The following GRIN2B variants were observed in gnomAD, a reference collection of about 807,000 sequenced individuals.
GRIN2B encodes the protein glutamate ionotropic receptor NMDA type subunit 2B.
A neutral mutation model predicts 114.5 loss-of-function variants in GRIN2B; 5 were observed. That is an observed-to-expected ratio of 0.04 (90% CI 0.02 to 0.09). The LOEUF is 0.09. Among genes scored for constraint, GRIN2B ranks in the 10% least tolerant of loss-of-function variants. GRIN2B has a pLI of 1.00. For synonymous variants in GRIN2B, 787 were observed against 745.1 expected, an observed-to-expected ratio of 1.06 and a Z score of -0.92; for missense variants, 1,108 against 1,943.5, an observed-to-expected ratio of 0.57 and a Z score of 8.08.
chr12:13,980,755 C>T (rs946087239), intron 1 of GRIN2B, among the ~76,000 whole-genome samples: 1 of 152,236 alleles, frequency 6.6e-6, no homozygotes, highest in African/African-American at 2.4e-5. Flanking sequence ...CCAGCCCCAT[C>T]TGCATTGCTG....
chr12:13,729,612 T>G (rs761619415), intron 4 of GRIN2B, among the ~76,000 whole-genome samples: 61 of 151,916 alleles, frequency 4.0e-4, no homozygotes, highest in Non-Finnish European at 7.7e-4. Context: ...CAACAGAATA[T>G]GTAGGAAAGA....
At chr12:13,852,764 C>T (rs1158310727) in intron 3 of GRIN2B, among the ~76,000 whole-genome samples, 1 of 150,864 alleles carries the variant, frequency 6.6e-6, no homozygotes, top group African/African-American at 2.4e-5. Context: ...AAAGGTGGAA[C>T]CAGAACTCAA....
In GRIN2B at chr12:13,675,351, T is replaced by C. The variant is rs78175322; in HGVS notation, c.1125+394A>G. On this transcript the variant is annotated intron_variant, in intron 5 of 13. Coordinates refer to ENST00000609686, the MANE Select transcript of GRIN2B (RefSeq NM_000834.5). Reference sequence around the variant, plus strand: ...ATGGGAATCCTTCAATCACAATAAGTCTAAACCTTTCTTCTCATAAATTCA... The same window carrying C: ...ATGGGAATCCTTCAATCACAATAAGCCTAAACCTTTCTTCTCATAAATTCA... Among the ~76,000 whole-genome samples the C allele has an allele frequency of 5.9e-4, 90 of 152,178 alleles. 2 individuals are homozygous for C. In the East Asian group the frequency reaches 0.017, roughly 29 times the overall value.
At chr12:13,956,698 C>T (rs1233225917) in intron 2 of GRIN2B, among the ~76,000 whole-genome samples, 1 of 152,210 alleles carries the variant, frequency 6.6e-6, no homozygotes, top group Non-Finnish European at 1.5e-5. Context: ...AGCCCGTGAG[C>T]CACAGAACAA....
chr12:13,810,052 T>G (rs1228254026), intron 3 of GRIN2B, among the ~76,000 whole-genome samples: 4 of 152,086 alleles, frequency 2.6e-5, no homozygotes, highest in African/African-American at 9.7e-5. Context: ...AGCTCCCCAT[T>G]CTTTCCTACC....
intron 5 of GRIN2B, among the ~76,000 whole-genome samples, chr12:13,660,763 G>A (rs1018814239): frequency 6.6e-6 from 1 of 152,134 alleles, no homozygotes; most frequent in South Asian, 2.1e-4. Flanking sequence ...TTTAGCACTT[G>A]CACAATATAA....
intron 2 of GRIN2B, among the ~76,000 whole-genome samples, chr12:13,930,883 GA>G (rs2136823697): frequency 6.6e-6 from 1 of 152,266 alleles, no homozygotes; most frequent in Non-Finnish European, 1.5e-5. Flanking sequence ...AATTTGCTTT[GA>G]AATAGCATGT....
At chr12:13,768,232 T>C (rs1863836902) in intron 3 of GRIN2B, among the ~76,000 whole-genome samples, 2 of 152,216 alleles carry the variant, frequency 1.3e-5, no homozygotes, top group Non-Finnish European at 1.5e-5. Context: ...ACATTAAGTA[T>C]TGTTAATCAG....
At chr12:13,854,585 C>T (rs1342692288) in intron 3 of GRIN2B, among the ~76,000 whole-genome samples, 1 of 152,008 alleles carries the variant, frequency 6.6e-6, no homozygotes, top group Non-Finnish European at 1.5e-5. Flanking sequence ...AACACTAGTG[C>T]TAAAAGACGA....
intron 5 of GRIN2B, among the ~76,000 whole-genome samples, chr12:13,636,612 G>A (rs184257920): frequency 6.6e-5 from 10 of 152,240 alleles, no homozygotes; most frequent in Admixed American, 5.2e-4. Context: ...TTGATATTGG[G>A]TTGAGAGAAA....
intron 5 of GRIN2B, among the ~76,000 whole-genome samples, chr12:13,620,965 C>A (rs538980473): frequency 1.7e-4 from 24 of 140,172 alleles, no homozygotes; most frequent in Admixed American, 5.8e-4. Context: ...AAAAAAAAAT[C>A]TGAATATCAG....
chr12:13,586,640 A>G (rs11055531), intron 10 of GRIN2B, among the ~76,000 whole-genome samples: 5,490 of 152,326 alleles, frequency 0.036, 147 homozygotes, highest in Middle Eastern at 0.054. Context: ...CAAGCCACAT[A>G]GCAGCACAGT....
chr12:13,868,858 A>G (rs374879802), intron 2 of GRIN2B, among the ~76,000 whole-genome samples: 7 of 152,242 alleles, frequency 4.6e-5, no homozygotes, highest in East Asian at 1.9e-4. Context: ...GGGAGATAAC[A>G]GTAGCAGAGG....
chr12:13,638,997 A>G (rs750951859), intron 5 of GRIN2B, among the ~76,000 whole-genome samples: 53 of 152,138 alleles, frequency 3.5e-4, no homozygotes, highest in Non-Finnish European at 5.7e-4. Context: ...CATTTATGGA[A>G]TGCTTCCTAT....
intron 4 of GRIN2B, among the ~76,000 whole-genome samples, chr12:13,713,670 T>C (rs1359275346): frequency 6.7e-6 from 1 of 149,628 alleles, no homozygotes; most frequent in Non-Finnish European, 1.5e-5. Flanking sequence ...CTGGTTGTTA[T>C]TTTTGCCTGT....
At chr12:13,728,524 G>A in intron 4 of GRIN2B, among the ~76,000 whole-genome samples, 1 of 152,088 alleles carries the variant, frequency 6.6e-6, no homozygotes. Context: ...TGTAGTTTGG[G>A]GCTTCAGAGA....
chr12:13,831,872 A>C (rs193164726), intron 3 of GRIN2B, among the ~76,000 whole-genome samples: 230 of 152,340 alleles, frequency 1.5e-3, no homozygotes, highest in Admixed American at 3.1e-3. Flanking sequence ...TACAATAAGC[A>C]GTACCCTGTG....
At position 13,952,171 on chromosome 12, in the gene GRIN2B, G is replaced by C. The variant is rs541459877; in HGVS notation, c.-19+27757C>G. On this transcript the variant is annotated intron_variant, in intron 2 of 13. Transcript: ENST00000609686. ...GGATGTGTCTATATGTGCATGTCAG[G>C]TGCCCACACGGAATGTGTTAGAGCT... 1.9e-3 allele frequency among the ~76,000 whole-genome samples: 286 copies of C among 152,162 alleles called. 1 individual carries two copies. Among genetic ancestry groups the C allele is most frequent in the African/African-American group, 6.6e-3 (273 of 41,526 alleles).
chr12:13,945,903 G>A (rs1237976385), intron 2 of GRIN2B, among the ~76,000 whole-genome samples: 1 of 152,170 alleles, frequency 6.6e-6, no homozygotes, highest in Non-Finnish European at 1.5e-5. Flanking sequence ...AGCCTAGGAT[G>A]CCAAGCCACT....
Sources: gnomAD v4.1 joint callset for allele counts (sites outside exome capture counted in the v4.1 genomes callset) on GRCh38, gnomAD v4.1.1 for gene constraint, MANE v1.5 for transcripts, NCBI Gene and HGNC (gene_info 2026-07-23, HGNC 2026-07-21) for gene names.